SLC22A25: variants seen among roughly 807,000 people sequenced by gnomAD.
SLC22A25 encodes MGI:2442751, MGI:2385316, MGI:3042283, MGI:3645714, MGI:3605624, MGI:2442750.
In SLC22A25, 44 loss-of-function variants were observed where a neutral mutation model predicts 45.9. The ratio of observed to expected loss-of-function variants is 0.96; its 90% confidence interval spans 0.75 to 1.23. SLC22A25 has a LOEUF of 1.23. SLC22A25 is among the 50% of genes most tolerant of loss of function. The probability of loss-of-function intolerance (pLI) is 0.00; values close to 1 mark genes in which losing one functional copy is unlikely to be tolerated. For synonymous variants in SLC22A25, 283 were observed against 238.6 expected (o/e 1.19, Z -1.72); for missense variants, 800 against 666.4 (o/e 1.20, Z -2.21).
At chr11:63,222,738 A>T (rs2089879491) in intron 5 of SLC22A25, among the ~76,000 whole-genome samples, 1 of 151,942 alleles carries the variant, frequency 6.6e-6, no homozygotes, top group South Asian at 2.1e-4. Flanking sequence ...TCCCCATTTC[A>T]TGTGATACTA....
At chr11:63,195,898 C>A (rs2134765866) in intron 7 of SLC22A25, among the ~76,000 whole-genome samples, 1 of 152,140 alleles carries the variant, frequency 6.6e-6, no homozygotes, top group Admixed American at 6.5e-5. Flanking sequence ...CAAATAGACG[C>A]AATAAAAAAT....
In SLC22A25 at chr11:63,164,630, C is replaced by A. The variant is rs545483605; in HGVS notation, c.1290G>T (p.Met430Ile). The change falls in exon 11 of 12, where the codon ATG becomes ATT. Residue 430 changes from methionine (M) to isoleucine (I), a missense_variant. Met to Ile is a conservative substitution (Grantham distance 10, BLOSUM62 1). Coordinates refer to ENST00000306494, the MANE Select transcript of SLC22A25 (RefSeq NM_199352.6). ...LLAIIFVPQE[M>I]QTLRVVLATL... ...TTGCCAAAACCACACGCAGGGTCTG[C>A]ATTTCTGGAGAAAGGAAGACCACAG... 164 of 1,613,336 alleles carry A rather than the reference C, an allele frequency of 1.0e-4. 2 individuals carry two copies. In the South Asian group the frequency reaches 1.7e-3, roughly 17 times the overall value.
intron 7 of SLC22A25, among the ~76,000 whole-genome samples, chr11:63,204,567 G>A (rs982379608): frequency 6.6e-6 from 1 of 152,072 alleles, no homozygotes; most frequent in Non-Finnish European, 1.5e-5. Context: ...TCAAAGAAAG[G>A]CATTACATAA....
intron 1 of SLC22A25, among the ~76,000 whole-genome samples, chr11:63,241,854 C>T (rs956264138): frequency 2.6e-5 from 4 of 152,148 alleles, no homozygotes; most frequent in Admixed American, 6.5e-5. Context: ...GACTGTGCAG[C>T]TTAAATGGCC....
At chr11:63,221,129 T>G (rs1349725103) in intron 5 of SLC22A25, among the ~76,000 whole-genome samples, 1 of 152,202 alleles carries the variant, frequency 6.6e-6, no homozygotes, top group Non-Finnish European at 1.5e-5. Flanking sequence ...ATTTCCTTTT[T>G]GGGTGTGTAC....
chr11:63,209,247 G>A (rs1307311435), intron 7 of SLC22A25, among the ~76,000 whole-genome samples: 5 of 152,090 alleles, frequency 3.3e-5, no homozygotes, highest in African/African-American at 4.8e-5. Context: ...CCTGCCTAGA[G>A]GGATACTGCA....
chr11:63,217,456 A>C lies in SLC22A25; in HGVS notation c.688T>G (p.Cys230Gly), dbSNP rs1405808175. Reference protein sequence around the residue: ...LIVEWITHQFCAMALTLTLCA... With the variant: ...LIVEWITHQFGAMALTLTLCA... The stretch of plus-strand genomic sequence containing the variant: ...AGTGTCAATGTCAATGCCATGGCAC[A>C]GAATTGGTGAGTTATCCACTCTACA... The change falls in exon 7 of 12, where the codon TGT becomes GGT. Residue 230 changes from cysteine to glycine, a missense_variant. Cys to Gly is a radical substitution (Grantham distance 159). Coordinates refer to ENST00000306494, the MANE Select transcript of SLC22A25 (RefSeq NM_199352.6). 1.2e-6 allele frequency: 2 copies of C among 1,614,110 alleles called. No homozygotes were observed. Among genetic ancestry groups the C allele is most frequent in the African/African-American group, 2.7e-5 (2 of 75,070 alleles).
At chr11:63,210,672 A>G (rs1309390947) in intron 7 of SLC22A25, among the ~76,000 whole-genome samples, 4 of 152,088 alleles carry the variant, frequency 2.6e-5, no homozygotes, top group Admixed American at 1.3e-4. Context: ...TATGGTGTCT[A>G]TGGAAGTAGG....
chr11:63,234,202 C>G (rs1455962441), intron 3 of SLC22A25, among the ~76,000 whole-genome samples: 1 of 152,158 alleles, frequency 6.6e-6, no homozygotes, highest in Non-Finnish European at 1.5e-5. Flanking sequence ...TGTTAACTTT[C>G]TGTCTCATTG....
At chr11:63,228,290 T>A (rs2090001439) in intron 5 of SLC22A25, among the ~76,000 whole-genome samples, 171 bp downstream of exon 5, 1 of 152,220 alleles carries the variant, frequency 6.6e-6, no homozygotes, top group Non-Finnish European at 1.5e-5. Context: ...ACACACATTT[T>A]AAAAAATAGC....
intron 5 of SLC22A25, among the ~76,000 whole-genome samples, chr11:63,226,019 A>G (rs2089954965): frequency 6.6e-6 from 1 of 152,064 alleles, no homozygotes. Context: ...TGGTAAATTA[A>G]TCTAATAGGA....
chr11:63,176,134 G>A (rs755673833), intron 9 of SLC22A25, among the ~76,000 whole-genome samples: 1 of 152,000 alleles, frequency 6.6e-6, no homozygotes, highest in African/African-American at 2.4e-5. Context: ...TTTGCAATAT[G>A]TTTTGAAATC....
intron 7 of SLC22A25, among the ~76,000 whole-genome samples, chr11:63,195,361 T>A (rs11824796): frequency 0.13 from 19,195 of 151,730 alleles, 2,272 homozygotes; most frequent in African/African-American, 0.32. Flanking sequence ...GAAGTAAAGC[T>A]CTCCTCAGCA....
At chr11:63,183,569 G>T in intron 8 of SLC22A25, 125 bp downstream of exon 8, 4 of 1,206,478 alleles carry the variant, frequency 3.3e-6, no homozygotes, top group Non-Finnish European at 4.7e-6. Context: ...GAGAATGATC[G>T]TGAGGTGAGA....
At position 63,217,661 on chromosome 11, in the gene SLC22A25, G is replaced by A. The variant is rs1486267001; in HGVS notation, c.581C>T (p.Pro194Leu). 1.2e-6 allele frequency: 2 copies of A among 1,613,974 alleles called. No individual in the cohort carries two copies. The highest frequency in any genetic ancestry group is 1.7e-5 in the Admixed American group (1 of 59,928). The part of the protein sequence containing the change: ...AIVGTCAAFA[P>L]TILVYCSLRF... ...CAGGGAGCAGTATACGAGGATGGTG[G>A]GAGCAAAGGCCGCACAGGTGCCTAC... Residue 194 changes from proline to leucine, a missense_variant, in exon 6 of 12, where the codon CCC becomes CTC. Transcript: ENST00000306494.
intron 5 of SLC22A25, chr11:63,220,000 G>A (rs2089815346): frequency 7.8e-7 from 1 of 1,289,248 alleles, no homozygotes; most frequent in Non-Finnish European, 1.0e-6. Context: ...TGGAGACATG[G>A]TTGGGCGATG....
At chr11:63,180,927 A>G in intron 8 of SLC22A25, 152 bp from the exon 9 acceptor site, 1 of 583,422 alleles carries the variant, frequency 1.7e-6, no homozygotes, top group East Asian at 2.8e-5. Context: ...GCAAATATAA[A>G]AGTGGTATGG....
At chr11:63,203,212 C>G (rs1190324954) in intron 7 of SLC22A25, among the ~76,000 whole-genome samples, 4 of 152,018 alleles carry the variant, frequency 2.6e-5, no homozygotes, top group Non-Finnish European at 5.9e-5. Flanking sequence ...AAAACCAGTG[C>G]AAAAAGGCTG....
chr11:63,212,990 A>AAAG (rs2089617484), intron 7 of SLC22A25, among the ~76,000 whole-genome samples: 1 of 152,156 alleles, frequency 6.6e-6, no homozygotes, highest in African/African-American at 2.4e-5. Flanking sequence ...AGCTGGTTAT[A>AAAG]AAGTGTCCAA....
Sources: allele counts gnomAD v4.1 joint callset (sites outside exome capture counted in the v4.1 genomes callset), GRCh38; gene constraint gnomAD v4.1.1; transcripts MANE v1.5; gene names NCBI Gene and HGNC (gene_info 2026-07-23, HGNC 2026-07-21).